Variants in PKIB observed in about 807,000 individuals in gnomAD.
PKIB encodes the protein PKI-beta.
Under a neutral mutation model 4.5 loss-of-function variants are expected in PKIB, and 2 were observed. The ratio of observed to expected loss-of-function variants is 0.44; its 90% CI spans 0.18 to 1.39. The LOEUF is 1.39. PKIB is among the 40% of genes most tolerant of loss of function. The probability of loss-of-function intolerance (pLI) is 0.27; values close to 1 mark genes in which losing one functional copy is unlikely to be tolerated. For synonymous variants in PKIB, 38 were observed against 36.0 expected, an observed-to-expected ratio of 1.06 and a Z score of -0.20; for missense variants, 94 against 92.6, an observed-to-expected ratio of 1.02 and a Z score of -0.06.
intron 3 of PKIB, among the ~76,000 whole-genome samples, chr6:122,586,580 T>C (rs1186161367): frequency 6.6e-6 from 1 of 152,190 alleles, no homozygotes; most frequent in Non-Finnish European, 1.5e-5. Context: ...AAAATGGTTA[T>C]ATTTTTCTCT....
intron 2 of PKIB, among the ~76,000 whole-genome samples, chr6:122,670,059 T>G (rs1218082508): frequency 6.6e-6 from 1 of 151,654 alleles, no homozygotes; most frequent in African/African-American, 2.4e-5. Flanking sequence ...CAAGGTATTG[T>G]GTTTGTCCAC....
chr6:122,698,099 A>G (rs943113715), intron 3 of PKIB, among the ~76,000 whole-genome samples: 1 of 152,010 alleles, frequency 6.6e-6, no homozygotes, highest in Non-Finnish European at 1.5e-5. Context: ...TCTATTCTTT[A>G]TCAGGGACAT....
intron 3 of PKIB, among the ~76,000 whole-genome samples, chr6:122,706,119 A>G (rs1173280164): frequency 6.6e-6 from 1 of 152,140 alleles, no homozygotes; most frequent in African/African-American, 2.4e-5. Context: ...CTGGCTTAGT[A>G]AGCCTTTCAT....
At chr6:122,652,713 C>G (rs1487363876) in intron 2 of PKIB, 1 of 152,142 alleles carries the variant, frequency 6.6e-6, no homozygotes, top group Non-Finnish European at 1.5e-5. Context: ...GTGCTGTGTC[C>G]ACAAAGATTG....
At chr6:122,671,626 G>A (rs1777466574) in intron 2 of PKIB, among the ~76,000 whole-genome samples, 1 of 152,186 alleles carries the variant, frequency 6.6e-6, no homozygotes, top group Non-Finnish European at 1.5e-5. Flanking sequence ...AGAAGTCACT[G>A]AACCAGGTGA....
At chr6:122,506,267 A>T (rs945329854) in intron 2 of PKIB, among the ~76,000 whole-genome samples, 1 of 152,208 alleles carries the variant, frequency 6.6e-6, no homozygotes, top group Non-Finnish European at 1.5e-5. Flanking sequence ...TCGAATATTA[A>T]TATTTTCAAA....
At chr6:122,594,310 C>T (rs1035677242) in intron 3 of PKIB, among the ~76,000 whole-genome samples, 27 of 151,760 alleles carry the variant, frequency 1.8e-4, no homozygotes, top group African/African-American at 5.8e-4. Flanking sequence ...CGGGTTCAAG[C>T]GATTCTCCTG....
intron 3 of PKIB, among the ~76,000 whole-genome samples, chr6:122,676,889 G>A (rs1194481791): frequency 6.6e-6 from 1 of 152,044 alleles, no homozygotes; most frequent in African/African-American, 2.4e-5. Context: ...TGTGATTCCA[G>A]GTAAGTTGCC....
intron 3 of PKIB, among the ~76,000 whole-genome samples, chr6:122,591,172 C>CG (rs1562262374): frequency 6.7e-6 from 1 of 150,236 alleles, no homozygotes; most frequent in Non-Finnish European, 1.5e-5. Context: ...AAGGTCCCCC[C>CG]CCACATCTAA....
chr6:122,652,335 GA>G lies in PKIB; in HGVS notation c.-76+18969del, dbSNP rs869191070. ...GTGTGTGTGTGTGTGTGTGTGTGTG[GA>G]GAGAGAGAGATTTATTGAAAAGAAT... On this transcript the variant is annotated intron_variant, in intron 2 of 4. Coordinates refer to ENST00000368452, the MANE Select transcript of PKIB (RefSeq NM_181795.3). 2.5e-3 allele frequency among the ~76,000 whole-genome samples: 161 copies of G among 63,896 alleles called. 3 individuals are homozygous for G. The South Asian group carries it at 0.065, about 26-fold the overall frequency. 41.9% of individuals were successfully genotyped at this position (63,896 alleles called of 152,430 possible). A position where few individuals can be genotyped will look rare whatever the true frequency, so the allele number is the denominator to read the frequency against.
chr6:122,555,276 C>A (rs893902099), intron 2 of PKIB, among the ~76,000 whole-genome samples: 1 of 151,998 alleles, frequency 6.6e-6, no homozygotes, highest in Non-Finnish European at 1.5e-5. Flanking sequence ...AGCAGAAGGA[C>A]CAAGATGTAC....
Position 122,619,122 on chromosome 6 carries a change from A to G in PKIB, c.-161+8587A>G, listed in dbSNP as rs562222962. 1.5e-3 allele frequency among the ~76,000 whole-genome samples: 223 copies of G among 151,580 alleles called. 1 individual carries two copies. Among genetic ancestry groups the G allele is most frequent in the African/African-American group, 5.0e-3 (208 of 41,484 alleles). On this transcript the variant is annotated intron_variant, in intron 1 of 4. Transcript: ENST00000368452. ...GCAAGAGCTTTTTATTGATAAATAT[A>G]TCAACCTTTTGTATGTCTATTTTAC...
intron 2 of PKIB, among the ~76,000 whole-genome samples, chr6:122,532,535 C>T (rs767296051): frequency 3.2e-4 from 49 of 152,274 alleles, no homozygotes; most frequent in Middle Eastern, 6.8e-3. Flanking sequence ...TTCCCATTCT[C>T]CTCCAGCTCC....
At chr6:122,606,306 C>T (rs1221869665), upstream of PKIB, among the ~76,000 whole-genome samples, 3 of 152,198 alleles carry the variant, frequency 2.0e-5, no homozygotes, top group African/African-American at 7.2e-5. Context: ...GGCATGGTGG[C>T]CCACGCCTGT....
chr6:122,490,506 T>G (rs917012124), intron 2 of PKIB, among the ~76,000 whole-genome samples: 2 of 152,094 alleles, frequency 1.3e-5, no homozygotes, highest in African/African-American at 4.8e-5. Context: ...AGGTCCCTCA[T>G]GAGTGGTTTA....
At chr6:122,710,278 A>G (rs903432405) in intron 3 of PKIB, among the ~76,000 whole-genome samples, 3 of 152,112 alleles carry the variant, frequency 2.0e-5, no homozygotes, top group African/African-American at 7.2e-5. Context: ...ATCTCATTGA[A>G]AAGGGAACTG....
chr6:122,643,659 AT>A (rs1420230337), intron 2 of PKIB: 1 of 152,192 alleles, frequency 6.6e-6, no homozygotes, highest in Admixed American at 6.5e-5. Context: ...GATTAACTTA[AT>A]GTCAAACTAT....
chr6:122,537,379 C>T (rs1228289753), intron 2 of PKIB, among the ~76,000 whole-genome samples: 1 of 151,960 alleles, frequency 6.6e-6, no homozygotes, highest in Non-Finnish European at 1.5e-5. Context: ...ATGTGTTTTC[C>T]TTGTTCAATT....
chr6:122,514,302 C>A (rs129830), intron 2 of PKIB, among the ~76,000 whole-genome samples: 83,825 of 151,950 alleles, frequency 0.55, 23,411 homozygotes, highest in South Asian at 0.68. Flanking sequence ...TGGAAAAAAA[C>A]CCATGCCACA....
Sources: allele counts gnomAD v4.1 joint callset (sites outside exome capture counted in the v4.1 genomes callset), GRCh38; gene constraint gnomAD v4.1.1; transcripts MANE v1.5; gene names NCBI Gene and HGNC (gene_info 2026-07-23, HGNC 2026-07-21).